The following CEP85L variants were observed in gnomAD, a reference collection of about 807,000 sequenced individuals.
CEP85L encodes the protein centrosomal protein of 85 kDa-like.
In CEP85L, 60 loss-of-function variants were observed where a neutral mutation model predicts 100.3. The observed-to-expected ratio is 0.60, with a 90% CI of 0.49 to 0.74. CEP85L has a LOEUF of 0.74. Ranked by LOEUF, CEP85L falls within the 30% of genes least tolerant of loss-of-function variation. The probability of loss-of-function intolerance (pLI) is 0.00; values close to 1 mark genes in which losing one functional copy is unlikely to be tolerated. For synonymous variants in CEP85L, 319 were observed against 322.7 expected (o/e 0.99, Z 0.12); for missense variants, 973 against 936.2 (o/e 1.04, Z -0.51).
At chr6:118,675,541 A>C (rs1776455496) in intron 1 of CEP85L, among the ~76,000 whole-genome samples, 1 of 152,090 alleles carries the variant, frequency 6.6e-6, no homozygotes, top group African/African-American at 2.4e-5. Context: ...ATTTTAAAAT[A>C]GGAACAATTT....
At chr6:118,547,894 G>A (rs1478804159) in intron 3 of CEP85L, among the ~76,000 whole-genome samples, 2 of 152,030 alleles carry the variant, frequency 1.3e-5, no homozygotes, top group African/African-American at 2.4e-5. Flanking sequence ...ACGTATTAAA[G>A]CAACAGCAGC....
intron 1 of CEP85L, among the ~76,000 whole-genome samples, chr6:118,684,012 C>T (rs1776750526): frequency 6.6e-6 from 1 of 152,156 alleles, no homozygotes; most frequent in African/African-American, 2.4e-5. Context: ...ATAATATTTT[C>T]TCTTTGTTTG....
At chr6:118,510,593 A>AT (rs767059287) in intron 5 of CEP85L, among the ~76,000 whole-genome samples, 2 of 152,140 alleles carry the variant, frequency 1.3e-5, no homozygotes, top group African/African-American at 4.8e-5. Context: ...CTCTGTTAGC[A>AT]TGGCTGGGAG....
intron 3 of CEP85L, among the ~76,000 whole-genome samples, chr6:118,561,500 G>T (rs1779221335): frequency 6.6e-6 from 1 of 151,886 alleles, no homozygotes. Context: ...AAAGTGTAAA[G>T]AATAAGATAT....
At chr6:118,516,715 T>C (rs1776302483) in intron 4 of CEP85L, among the ~76,000 whole-genome samples, 2 of 152,216 alleles carry the variant, frequency 1.3e-5, no homozygotes, top group African/African-American at 2.4e-5. Flanking sequence ...ACTCTGATGA[T>C]AGTTTCTTTT....
At chr6:118,641,434 A>C (rs879831261) in intron 1 of CEP85L, among the ~76,000 whole-genome samples, 3 of 152,246 alleles carry the variant, frequency 2.0e-5, no homozygotes, top group Admixed American at 6.5e-5. Flanking sequence ...CTTTAGGAAA[A>C]AGTAATGCAT....
At chr6:118,480,093 G>A (rs565453350) in intron 9 of CEP85L, among the ~76,000 whole-genome samples, 172 bp from the exon 10 acceptor site, 6 of 152,110 alleles carry the variant, frequency 3.9e-5, no homozygotes, top group Admixed American at 3.3e-4. Flanking sequence ...AACTACAAAA[G>A]TCTTCCTCTA....
At chr6:118,648,289 G>A (rs907805086) in intron 1 of CEP85L, among the ~76,000 whole-genome samples, 1 of 152,088 alleles carries the variant, frequency 6.6e-6, no homozygotes, top group Non-Finnish European at 1.5e-5. Flanking sequence ...TTTATTTTTG[G>A]TTTATAACAG....
intron 1 of CEP85L, among the ~76,000 whole-genome samples, chr6:118,659,573 G>A (rs936133935): frequency 1.3e-5 from 2 of 152,184 alleles, no homozygotes; most frequent in Admixed American, 6.6e-5. Flanking sequence ...ATACAATTTC[G>A]GTAGGAGGCA....
intron 1 of CEP85L, among the ~76,000 whole-genome samples, chr6:118,660,971 G>A (rs1051489057): frequency 8.6e-5 from 13 of 150,898 alleles, no homozygotes; most frequent in South Asian, 4.2e-4. Flanking sequence ...CTGCAATCTC[G>A]GCCTCCTGGG....
At chr6:118,684,836 G>A (rs1032376033) in intron 1 of CEP85L, among the ~76,000 whole-genome samples, 8 of 151,678 alleles carry the variant, frequency 5.3e-5, no homozygotes, top group Admixed American at 2.6e-4. Flanking sequence ...TTTTTTTTTA[G>A]AGACAAGATC....
chr6:118,495,661 A>G (rs145437757), intron 5 of CEP85L, among the ~76,000 whole-genome samples: 71 of 152,324 alleles, frequency 4.7e-4, no homozygotes, highest in Non-Finnish European at 8.8e-4. Flanking sequence ...AGACTAATAC[A>G]AAGCCCTTTA....
At chr6:118,488,274 C>G (rs2356492) in intron 6 of CEP85L, among the ~76,000 whole-genome samples, 70,130 of 151,540 alleles carry the variant, frequency 0.46, 16,714 homozygotes, top group Middle Eastern at 0.58. Context: ...TCAACATACC[C>G]AACATAAAGA....
intron 2 of CEP85L, among the ~76,000 whole-genome samples, chr6:118,616,018 C>A (rs1396609941): frequency 2.0e-5 from 3 of 151,976 alleles, no homozygotes; most frequent in Non-Finnish European, 4.4e-5. Flanking sequence ...TTATGAGAAT[C>A]ACTGAGTCTA....
chr6:118,680,319 T>G (rs1267363452), intron 1 of CEP85L, among the ~76,000 whole-genome samples: 2 of 149,806 alleles, frequency 1.3e-5, no homozygotes, highest in East Asian at 1.9e-4. Context: ...TTTTTTTTTT[T>G]TTTTTTTTTT....
At chr6:118,555,239 G>T (rs1778784634) in intron 3 of CEP85L, among the ~76,000 whole-genome samples, 1 of 152,062 alleles carries the variant, frequency 6.6e-6, no homozygotes, top group African/African-American at 2.4e-5. Context: ...AGACCATCCT[G>T]GCTAACATGG....
At chr6:118,497,082 AAG>A (rs1240949693) in intron 5 of CEP85L, among the ~76,000 whole-genome samples, 1 of 152,212 alleles carries the variant, frequency 6.6e-6, no homozygotes, top group Non-Finnish European at 1.5e-5. Context: ...CCGAACTGGG[AAG>A]AAATGGATAG....
In CEP85L at chr6:118,567,241, GTGTGTGTGTATATA is replaced by G. The variant is rs1474938037; in HGVS notation, c.233-939_233-926del. ...TGTGTGTGTGTGTGTGTGTGTGTGT[GTGTGTGTGTATATA>G]TATATATATATATATATATATATAT... On this transcript the variant is annotated intron_variant, in intron 2 of 12. Coordinates refer to ENST00000368491, the MANE Select transcript of CEP85L (RefSeq NM_001042475.3). Among the ~76,000 whole-genome samples, 257 of 38,054 alleles carry G rather than the reference GTGTGTGTGTATATA, an allele frequency of 6.8e-3. 1 individual carries two copies. Among genetic ancestry groups the G allele is most frequent in the African/African-American group, 0.021 (196 of 9,502 alleles). 25.0% of individuals were successfully genotyped at this position (38,054 alleles called of 152,430 possible).
At chr6:118,524,005 A>AT (rs1349906636) in intron 3 of CEP85L, 85 bp from the exon 4 acceptor site, 1 of 537,096 alleles carries the variant, frequency 1.9e-6, no homozygotes, top group Non-Finnish European at 3.0e-6. Flanking sequence ...AAAGATTTAT[A>AT]TTAAAAAAAA....
Sources: gnomAD v4.1 joint callset for allele counts (sites outside exome capture counted in the v4.1 genomes callset) on GRCh38, gnomAD v4.1.1 for gene constraint, MANE v1.5 for transcripts, NCBI Gene and HGNC (gene_info 2026-07-23, HGNC 2026-07-21) for gene names.